The following CAAP1 variants were observed in gnomAD, a reference collection of about 807,000 sequenced individuals.
The protein encoded by CAAP1 is conserved anti-apoptotic protein.
A neutral mutation model predicts 34.0 loss-of-function variants in CAAP1; 20 were observed. That is an observed-to-expected ratio of 0.59 (90% CI 0.41 to 0.86). CAAP1 has a LOEUF of 0.86. Ranked by LOEUF, CAAP1 falls within the 40% of genes least tolerant of loss-of-function variation. The probability of loss-of-function intolerance (pLI) is 0.00; values close to 1 mark genes in which losing one functional copy is unlikely to be tolerated. For synonymous variants in CAAP1, 213 were observed against 166.7 expected, an observed-to-expected ratio of 1.28 and a Z score of -2.14; for missense variants, 538 against 450.5, an observed-to-expected ratio of 1.19 and a Z score of -1.76.
intron 4 of CAAP1, among the ~76,000 whole-genome samples, chr9:26,882,927 C>A (rs1044805988): frequency 6.6e-6 from 1 of 152,064 alleles, no homozygotes; most frequent in African/African-American, 2.4e-5. Flanking sequence ...TTGCATGGGG[C>A]CTGTAGCTCC....
intron 4 of CAAP1, among the ~76,000 whole-genome samples, chr9:26,869,296 C>A (rs1309402712): frequency 1.3e-5 from 2 of 152,030 alleles, no homozygotes; most frequent in African/African-American, 4.8e-5. Flanking sequence ...CTTATTACCA[C>A]AGGAAACACT....
intron 1 of CAAP1, among the ~76,000 whole-genome samples, chr9:26,889,989 T>G (rs1004489432): frequency 2.0e-5 from 3 of 152,166 alleles, no homozygotes; most frequent in African/African-American, 4.8e-5. Context: ...AATACACTAA[T>G]TTTTCATTAG....
Position 26,842,640 on chromosome 9 carries a change from C to G in CAAP1, c.747G>C (p.Gly249=). The change falls in exon 6 of 6, where the codon GGG becomes GGC. Residue 249 remains glycine, a synonymous_variant. Transcript: ENST00000333916. The stretch of plus-strand genomic sequence containing the variant: ...TTATACTGAGTACATCACTATCTTC[C>G]CCTTTTCCTGTAACCAAAAAAGGAG... ...PEGLELKQGK[G]EDSDVLSINA... The G allele has an allele frequency of 6.3e-7, 1 of 1,592,832 alleles. No homozygotes were observed. The highest frequency in any genetic ancestry group is 8.5e-7 in the Non-Finnish European group (1 of 1,170,420).
chr9:26,874,704 T>C (rs1305834771), intron 4 of CAAP1, among the ~76,000 whole-genome samples: 2 of 152,216 alleles, frequency 1.3e-5, no homozygotes, highest in African/African-American at 4.8e-5. Flanking sequence ...AGTTTCAAAC[T>C]GGCACACTAA....
chr9:26,845,336 A>G (rs763623794), intron 5 of CAAP1, among the ~76,000 whole-genome samples: 1 of 152,144 alleles, frequency 6.6e-6, no homozygotes, highest in Admixed American at 6.6e-5. Flanking sequence ...GCACATTTAA[A>G]AATATTTTTC....
At chr9:26,856,749 A>T (rs1822878826) in intron 5 of CAAP1, among the ~76,000 whole-genome samples, 2 of 152,198 alleles carry the variant, frequency 1.3e-5, no homozygotes, top group Admixed American at 1.3e-4. Flanking sequence ...TACAGAAAAA[A>T]ATCTAATCAC....
intron 1 of CAAP1, chr9:26,892,169 G>C (rs950035177): frequency 1.8e-6 from 2 of 1,136,128 alleles, no homozygotes; most frequent in Admixed American, 3.0e-5. Flanking sequence ...GGAGCCAAGA[G>C]TTTAAAAAAT....
chr9:26,883,910 T>C (rs1428416562), intron 4 of CAAP1, among the ~76,000 whole-genome samples: 1 of 152,208 alleles, frequency 6.6e-6, no homozygotes, highest in African/African-American at 2.4e-5. Flanking sequence ...GTACATTTTC[T>C]ACTCTATGTT....
intron 4 of CAAP1, among the ~76,000 whole-genome samples, chr9:26,872,100 G>C (rs1025208091): frequency 2.0e-5 from 3 of 152,140 alleles, no homozygotes; most frequent in African/African-American, 4.8e-5. Flanking sequence ...AATATAAAGA[G>C]TGGTTATACA....
At chr9:26,854,235 C>A (rs939160101) in intron 5 of CAAP1, among the ~76,000 whole-genome samples, 2 of 152,126 alleles carry the variant, frequency 1.3e-5, no homozygotes, top group African/African-American at 4.8e-5. Flanking sequence ...TTAATTCATT[C>A]AATCCTTACA....
At chr9:26,877,012 G>A (rs887865687) in intron 4 of CAAP1, among the ~76,000 whole-genome samples, 3 of 152,058 alleles carry the variant, frequency 2.0e-5, no homozygotes, top group African/African-American at 7.2e-5. Context: ...AAGTAAGCCA[G>A]GGATGGTAAC....
chr9:26,882,156 G>A (rs1317470459), intron 4 of CAAP1, among the ~76,000 whole-genome samples: 1 of 152,204 alleles, frequency 6.6e-6, no homozygotes, highest in Non-Finnish European at 1.5e-5. Context: ...GCCTGCCAAT[G>A]CTACAGAAAA....
chr9:26,861,044 T>G (rs749149157), intron 5 of CAAP1, 22 bp downstream of exon 5: 3 of 1,536,756 alleles, frequency 2.0e-6, no homozygotes, highest in South Asian at 2.3e-5. Flanking sequence ...TTTTATACAA[T>G]AATCAAGTAC....
chr9:26,887,237 T>C, intron 2 of CAAP1, 76 bp downstream of exon 2: 1 of 943,344 alleles, frequency 1.1e-6, no homozygotes, highest in Non-Finnish European at 1.5e-6. Flanking sequence ...CAAAACCGCA[T>C]TAAGTAAAAC....
At position 26,853,643 on chromosome 9, in the gene CAAP1, G is replaced by A. The variant is rs560354585; in HGVS notation, c.739+7423C>T. ...GTCAAGATGAGCACTGAGCAATGAC[G>A]AGTGAAATGGCTGCTGGCAATAATT... On this transcript the variant is annotated intron_variant, in intron 5 of 5. Transcript: ENST00000333916. 5.3e-5 allele frequency among the ~76,000 whole-genome samples: 8 copies of A among 152,258 alleles called. No individual in the cohort carries two copies. In the East Asian group the frequency reaches 1.5e-3, roughly 29 times the overall value.
At chr9:26,852,573 A>G (rs1408204754) in intron 5 of CAAP1, among the ~76,000 whole-genome samples, 2 of 152,208 alleles carry the variant, frequency 1.3e-5, no homozygotes, top group African/African-American at 4.8e-5. Context: ...AGTTTGATGT[A>G]AATAAGAGTA....
Position 26,892,600 on chromosome 9 carries a change from C to G in CAAP1, c.116G>C (p.Ser39Thr). ...VPALASGSSG[S>T]TSGCGSAGGC... ...CCCGGCGCTCCCGCAGCCGCTAGTGCTTCCACTGCTGCCGCTGGCCAACGC... is the reference window on the plus strand; with the variant it reads ...CCCGGCGCTCCCGCAGCCGCTAGTGGTTCCACTGCTGCCGCTGGCCAACGC... The change falls in exon 1 of 6, where the codon AGC becomes ACC. Residue 39 changes from serine to threonine, a missense_variant. Physicochemically the swap from Ser to Thr is moderately conservative, Grantham distance 58. Around this residue, in one of 3 missense-constraint regions of CAAP1, gnomAD observed 514 missense variants for 408.4 expected, o/e 1.26. Transcript: ENST00000333916. 6.2e-7 allele frequency: 1 copy of G among 1,608,134 alleles called. No individual in the cohort carries two copies. The highest frequency in any genetic ancestry group is 8.5e-7 in the Non-Finnish European group (1 of 1,178,854).
intron 5 of CAAP1, among the ~76,000 whole-genome samples, chr9:26,851,258 T>C (rs1822744436): frequency 6.6e-6 from 1 of 152,196 alleles, no homozygotes; most frequent in Admixed American, 6.5e-5. Flanking sequence ...ATCAGGGAGA[T>C]ATTCATAGAT....
chr9:26,860,328 A>G (rs1457601138), intron 5 of CAAP1, among the ~76,000 whole-genome samples: 1 of 152,252 alleles, frequency 6.6e-6, no homozygotes, highest in East Asian at 1.9e-4. Flanking sequence ...GGTAATGTCA[A>G]AAACTACTGA....
Sources: gnomAD v4.1 joint callset for allele counts (sites outside exome capture counted in the v4.1 genomes callset) on GRCh38, gnomAD v4.1.1 for gene constraint, gnomAD v4.1.1 regional missense constraint, MANE v1.5 for transcripts, NCBI Gene and HGNC (gene_info 2026-07-23, HGNC 2026-07-21) for gene names.